Variants in ZNF81 observed in about 807,000 individuals in gnomAD.
ZNF81 encodes the protein zinc finger protein 81, also known as zinc finger protein 81 (HFZ20).
ZNF81 carries 5 observed loss-of-function variants against 32.3 expected under a neutral mutation model. That is an observed-to-expected ratio of 0.15 (90% CI 0.08 to 0.33). The LOEUF (loss-of-function observed/expected upper bound fraction) is 0.33, where lower values mean the gene tolerates loss of function less well. ZNF81 is among the 10% of genes least tolerant of loss of function. The probability of loss-of-function intolerance (pLI) is 1.00; values close to 1 mark genes in which losing one functional copy is unlikely to be tolerated. For missense variants in ZNF81, 379 were observed against 479.8 expected (o/e 0.79, Z 1.96); for synonymous variants, 163 against 166.8 (o/e 0.98, Z 0.17).
chrX:47,876,765 CT>C (rs1410328268), intron 2 of ZNF81, among the ~76,000 whole-genome samples: 2 of 112,497 alleles, frequency 1.8e-5, no homozygotes, highest in Non-Finnish European at 3.8e-5. Context: ...TGGGAATCCC[CT>C]GTCAGCCTCC....
chrX:47,905,102 T>C (rs2058715914), intron 4 of ZNF81, among the ~76,000 whole-genome samples: 1 of 109,784 alleles, frequency 9.1e-6, no homozygotes, highest in Admixed American at 9.7e-5. Context: ...TTAGCCGATA[T>C]ACCTAATGCT....
chrX:47,846,300 G>A lies in ZNF81; in HGVS notation c.33G>A (p.Gly11=). Residue 11 remains glycine, a synonymous_variant, in exon 2 of 5, where the codon GGG becomes GGA. Transcript: ENST00000338637. ...CTAACGAGGACGCTCCCCAGCCAGGGGAACATGGCAGTGCCTGTGAGGTGA... is the reference window on the plus strand; with the variant it reads ...CTAACGAGGACGCTCCCCAGCCAGGAGAACATGGCAGTGCCTGTGAGGTGA... MPANEDAPQP[G]EHGSACEVSV... 8.3e-7 allele frequency: 1 copy of A among 1,209,807 alleles called. No homozygotes were observed. The highest frequency in any genetic ancestry group is 1.8e-5 in the South Asian group (1 of 56,304).
At chrX:47,846,578 CAT>C (rs1280620281) in intron 2 of ZNF81, among the ~76,000 whole-genome samples, 1 of 111,385 alleles carries the variant, frequency 9.0e-6, no homozygotes, top group Non-Finnish European at 1.9e-5. Context: ...ATCATTCTTG[CAT>C]ATTTTTATGA....
In ZNF81 at chrX:47,902,895, A is replaced by T. The variant is rs782176003; in HGVS notation, c.277+6955A>T. Among the ~76,000 whole-genome samples, 16 of 111,913 alleles carry T rather than the reference A, an allele frequency of 1.4e-4. No individual in the cohort carries two copies. The South Asian group carries it at 6.0e-3, about 42-fold the overall frequency. The stretch of plus-strand genomic sequence containing the variant: ...GTGGTGAACCCCATCTCTACTAAAA[A>T]TATAAAAATTAACGCAAATCAATAA... On this transcript the variant is annotated intron_variant, in intron 4 of 4. Coordinates refer to ENST00000338637, the MANE Select transcript of ZNF81 (RefSeq NM_007137.5).
intron 2 of ZNF81, among the ~76,000 whole-genome samples, chrX:47,865,508 C>A (rs1228153463): frequency 1.8e-5 from 2 of 112,041 alleles, no homozygotes; most frequent in Non-Finnish European, 3.8e-5. Flanking sequence ...TCACCAGTTA[C>A]AAACACTAGT....
rs2058772510 is a variant in ZNF81 at position 47,920,435 on chromosome X, T to C, written c.*3803T>C. ...TCCCTGGGTCTTGAGGGTGGGATTT[T>C]TTAGTGATCCTGCCCTCTTCCACTG... On this transcript the variant is annotated 3_prime_UTR_variant, in exon 5 of 5. Coordinates refer to ENST00000338637, the MANE Select transcript of ZNF81 (RefSeq NM_007137.5). The C allele has an allele frequency of 9.0e-6, 1 of 110,667 alleles. No individual in the cohort carries two copies. Among genetic ancestry groups the C allele is most frequent in the Non-Finnish European group, 1.9e-5 (1 of 52,892 alleles). 9.1% of individuals were successfully genotyped at this position (110,667 alleles called of 1,213,427 possible).
chrX:47,864,685 G>A, intron 2 of ZNF81, among the ~76,000 whole-genome samples: 1 of 111,867 alleles, frequency 8.9e-6, no homozygotes, highest in East Asian at 2.8e-4. Flanking sequence ...AGGCAGCAGT[G>A]ACTTTAGTAT....
At chrX:47,846,678 T>C (rs2058472181) in intron 2 of ZNF81, among the ~76,000 whole-genome samples, 1 of 111,283 alleles carries the variant, frequency 9.0e-6, no homozygotes, top group Non-Finnish European at 1.9e-5. Context: ...AAGTCTTGTT[T>C]AAAGAAAAAA....
rs782361283 is a variant in ZNF81, at chrX:47,918,051, C to T, written c.*1419C>T. 1 of 111,101 alleles carries T rather than the reference C, an allele frequency of 9.0e-6. No homozygotes were observed. Among genetic ancestry groups the T allele is most frequent in the Non-Finnish European group, 1.9e-5 (1 of 53,041 alleles). 9.2% of individuals were successfully genotyped at this position (111,101 alleles called of 1,213,427 possible). ...GTGGGAAGATAGAGAATGGACCAAA[C>T]GAACTGGTGGATCTGGCTAAGGAGA... On this transcript the variant is annotated 3_prime_UTR_variant, in exon 5 of 5. Coordinates refer to ENST00000338637, the MANE Select transcript of ZNF81 (RefSeq NM_007137.5).
chrX:47,904,812 C>T (rs2058714205), intron 4 of ZNF81, among the ~76,000 whole-genome samples: 1 of 111,546 alleles, frequency 9.0e-6, no homozygotes, highest in South Asian at 3.8e-4. Flanking sequence ...TGGAACCAAC[C>T]CAAATGTCCA....
chrX:47,912,406 G>A (rs889844089), intron 4 of ZNF81, among the ~76,000 whole-genome samples: 1 of 103,643 alleles, frequency 9.6e-6, no homozygotes, highest in African/African-American at 3.6e-5. Flanking sequence ...TATTGAAAAA[G>A]TCAGTGGTAT....
At chrX:47,886,279 C>T (rs55649988) in intron 2 of ZNF81, among the ~76,000 whole-genome samples, 2,201 of 111,679 alleles carry the variant, frequency 0.02, 59 homozygotes, top group African/African-American at 0.069. Context: ...GTGAAACATA[C>T]ATTAGAGATG....
intron 4 of ZNF81, among the ~76,000 whole-genome samples, chrX:47,910,246 TTA>T (rs1463867066): frequency 9.0e-6 from 1 of 111,384 alleles, no homozygotes; most frequent in Non-Finnish European, 1.9e-5. Flanking sequence ...TGGGATCTAA[TTA>T]AACTAAAGAG....
chrX:47,859,282 G>A (rs1434828015), intron 2 of ZNF81, among the ~76,000 whole-genome samples: 4 of 110,959 alleles, frequency 3.6e-5, no homozygotes, highest in African/African-American at 1.3e-4. Context: ...TCTTTTATTA[G>A]TTTTCCTTCA....
chrX:47,861,723 C>T (rs1434769089), intron 2 of ZNF81, among the ~76,000 whole-genome samples: 1 of 112,361 alleles, frequency 8.9e-6, no homozygotes, highest in Non-Finnish European at 1.9e-5. Flanking sequence ...TAAGGTCTGT[C>T]TCCCTGATAA....
In ZNF81 at chrX:47,921,931, ATGT is replaced by A. The variant is rs1424914294; in HGVS notation, c.*5304_*5306del. 2 of 111,651 alleles carry A rather than the reference ATGT, an allele frequency of 1.8e-5. No individual in the cohort carries two copies. Among genetic ancestry groups the A allele is most frequent in the African/African-American group, 6.5e-5 (2 of 30,721 alleles). 9.2% of individuals were successfully genotyped at this position (111,651 alleles called of 1,213,427 possible). On this transcript the variant is annotated 3_prime_UTR_variant, in exon 5 of 5. Transcript: ENST00000338637. ...ACCCATAGAAACTGCAAGACAATAA[ATGT>A]TGTTTTAAGTTGCTAAATTTTAGGG... is the stretch of plus-strand genomic sequence containing the variant.
At chrX:47,877,440 G>A (rs1017527124) in intron 2 of ZNF81, among the ~76,000 whole-genome samples, 1 of 111,941 alleles carries the variant, frequency 8.9e-6, no homozygotes, top group Non-Finnish European at 1.9e-5. Context: ...GAGAGAACGC[G>A]GTGCCATGCC....
At chrX:47,901,766 G>GA (rs2058699212) in intron 4 of ZNF81, among the ~76,000 whole-genome samples, 2 of 81,062 alleles carry the variant, frequency 2.5e-5, no homozygotes, top group African/African-American at 4.2e-5. Flanking sequence ...TTTGTGGGCG[G>GA]GGGGGGGTTC....
chrX:47,865,831 T>C (rs2058558019), intron 2 of ZNF81, among the ~76,000 whole-genome samples: 1 of 111,667 alleles, frequency 9.0e-6, no homozygotes, highest in South Asian at 3.8e-4. Flanking sequence ...TCCCAGATGC[T>C]TTACTTGATG....
Sources: gnomAD v4.1 joint callset for allele counts (sites outside exome capture counted in the v4.1 genomes callset) on GRCh38, gnomAD v4.1.1 for gene constraint, MANE v1.5 for transcripts, NCBI Gene and HGNC (gene_info 2026-07-23, HGNC 2026-07-21) for gene names.